The following AUTS2 variants were observed in gnomAD, a reference collection of about 807,000 sequenced individuals.
The protein encoded by AUTS2 is activator of transcription and developmental regulator AUTS2, also known as autism susceptibility gene 2 protein.
A neutral mutation model predicts 112.4 loss-of-function variants in AUTS2; 17 were observed. The observed-to-expected ratio is 0.15, with a 90% CI of 0.10 to 0.23. The LOEUF (loss-of-function observed/expected upper bound fraction) is 0.23. Ranked by LOEUF, AUTS2 falls within the 10% of genes least tolerant of loss-of-function variation. The pLI is 1.00. For synonymous variants in AUTS2, 751 were observed against 702.7 expected (o/e 1.07, Z -1.09); for missense variants, 1,510 against 1,701.6 (o/e 0.89, Z 1.98).
chr7:69,922,088 AT>A (rs1329138524), intron 2 of AUTS2, among the ~76,000 whole-genome samples: 1 of 152,206 alleles, frequency 6.6e-6, no homozygotes, highest in East Asian at 1.9e-4. Flanking sequence ...AGAAAAAAAA[AT>A]TAGTAAATGT....
chr7:69,779,154 G>A (rs1022036959), intron 1 of AUTS2, among the ~76,000 whole-genome samples: 1 of 151,088 alleles, frequency 6.6e-6, no homozygotes, highest in Non-Finnish European at 1.5e-5. Context: ...CTCCCAAAGT[G>A]CTGGGATTAC....
chr7:70,197,247 C>G (rs1032282169), intron 4 of AUTS2, among the ~76,000 whole-genome samples: 31 of 148,626 alleles, frequency 2.1e-4, no homozygotes, highest in African/African-American at 7.5e-4. Context: ...TAAATAGTTG[C>G]CAAAATTCTT....
intron 5 of AUTS2, among the ~76,000 whole-genome samples, chr7:70,501,401 G>A (rs1032456504): frequency 6.6e-6 from 1 of 152,146 alleles, no homozygotes; most frequent in Non-Finnish European, 1.5e-5. Flanking sequence ...GAGATAGCCT[G>A]TTAGCTTCCC....
chr7:70,117,507 G>GA (rs908722059), intron 2 of AUTS2, among the ~76,000 whole-genome samples: 144 of 151,636 alleles, frequency 9.5e-4, no homozygotes, highest in African/African-American at 3.3e-3. Flanking sequence ...TTTCATTATT[G>GA]AAAAAAAATT....
chr7:70,670,770 C>T (rs1239361899), intron 5 of AUTS2, among the ~76,000 whole-genome samples: 1 of 152,178 alleles, frequency 6.6e-6, no homozygotes, highest in Non-Finnish European at 1.5e-5. Context: ...AACTTCTGCC[C>T]CTCTTTACCC....
Position 70,309,221 on chromosome 7 carries a change from A to G in AUTS2, c.661-126531A>G, listed in dbSNP as rs1042839762. Among the ~76,000 whole-genome samples, 5 of 152,228 alleles carry G rather than the reference A, an allele frequency of 3.3e-5. No individual in the cohort carries two copies. The East Asian group carries it at 7.7e-4, about 23-fold the overall frequency. On this transcript the variant is annotated intron_variant, in intron 4 of 18. Transcript: ENST00000342771. Reference sequence around the variant, plus strand: ...ATTTATTGTCTTATAACATTATACTATATTAATTTACACATAGCCTTGGAA... The same window carrying G: ...ATTTATTGTCTTATAACATTATACTGTATTAATTTACACATAGCCTTGGAA...
intron 1 of AUTS2, among the ~76,000 whole-genome samples, chr7:69,791,710 C>A (rs1456442902): frequency 6.6e-6 from 1 of 152,222 alleles, no homozygotes; most frequent in Non-Finnish European, 1.5e-5. Flanking sequence ...CAGATACTTA[C>A]ACATGACTAT....
In AUTS2 at chr7:70,118,148, A is replaced by G; in HGVS notation, c.539A>G (p.Asn180Ser). 1.2e-6 allele frequency: 2 copies of G among 1,609,640 alleles called. No homozygotes were observed. The highest frequency in any genetic ancestry group is 1.7e-6 in the Non-Finnish European group (2 of 1,178,668). The change falls in exon 3 of 19, where the codon AAC becomes AGC. Residue 180 changes from asparagine to serine, a missense_variant. Around this residue, in one of 3 missense-constraint regions of AUTS2, gnomAD observed 535 missense variants for 594.3 expected, o/e 0.90. Transcript: ENST00000342771. ...KALRQLKPGQ[N>S]SCRDSDSESA... ...TGCCTTTAGCTCAAGCCAGGACAGA[A>G]CAGCTGCAGGGACAGTGACAGTGAA...
At chr7:70,438,546 G>A (rs1795990035) in intron 5 of AUTS2, among the ~76,000 whole-genome samples, 1 of 152,150 alleles carries the variant, frequency 6.6e-6, no homozygotes, top group African/African-American at 2.4e-5. Context: ...GAGCCATTGA[G>A]ACTCTAATTG....
At chr7:70,039,150 A>T (rs979239025) in intron 2 of AUTS2, among the ~76,000 whole-genome samples, 5 of 152,172 alleles carry the variant, frequency 3.3e-5, no homozygotes, top group Non-Finnish European at 7.3e-5. Context: ...AGTCCCCAGC[A>T]CAGTGACTCC....
intron 4 of AUTS2, among the ~76,000 whole-genome samples, chr7:70,369,468 G>A (rs1288483987): frequency 1.3e-5 from 2 of 152,170 alleles, no homozygotes; most frequent in Non-Finnish European, 2.9e-5. Context: ...CCGAGGCCTT[G>A]AAGAATAGAT....
chr7:70,544,844 A>T (rs912450219), intron 5 of AUTS2, among the ~76,000 whole-genome samples: 1 of 152,038 alleles, frequency 6.6e-6, no homozygotes, highest in Non-Finnish European at 1.5e-5. Context: ...TCTCCTTCCC[A>T]TGAAGACGGC....
intron 1 of AUTS2, among the ~76,000 whole-genome samples, chr7:69,794,216 A>G (rs1451051081): frequency 3.9e-5 from 6 of 152,192 alleles, no homozygotes; most frequent in Non-Finnish European, 7.3e-5. Context: ...GCTCTTTGCC[A>G]TAGACCTGCT....
At chr7:70,544,426 T>C (rs906651936) in intron 5 of AUTS2, among the ~76,000 whole-genome samples, 5 of 152,064 alleles carry the variant, frequency 3.3e-5, no homozygotes, top group Non-Finnish European at 7.4e-5. Flanking sequence ...GTTTATTCAT[T>C]CCAACTAGTT....
At chr7:69,824,584 T>G (rs148331638) in intron 1 of AUTS2, 173 of 152,158 alleles carry the variant, frequency 1.1e-3, no homozygotes, top group African/African-American at 3.9e-3. Context: ...ATCATTTTCA[T>G]CAGCTTCACA....
intron 2 of AUTS2, among the ~76,000 whole-genome samples, chr7:70,051,477 G>A (rs985730391): frequency 1.3e-5 from 2 of 152,158 alleles, no homozygotes; most frequent in Non-Finnish European, 2.9e-5. Context: ...TGCAGTTTGG[G>A]AGGCCGAGGC....
chr7:69,862,880 A>G (rs1237235682), intron 1 of AUTS2, among the ~76,000 whole-genome samples: 1 of 152,158 alleles, frequency 6.6e-6, no homozygotes, highest in Admixed American at 6.5e-5. Context: ...CTGATATTAA[A>G]TGGATAGTCC....
intron 2 of AUTS2, among the ~76,000 whole-genome samples, chr7:69,952,554 T>C (rs1040262632): frequency 5.9e-5 from 9 of 152,186 alleles, no homozygotes; most frequent in Non-Finnish European, 8.8e-5. Context: ...ATCTAAGTTG[T>C]GTGACTTTGG....
Position 70,004,809 on chromosome 7 carries a change from C to CTTTATTTA in AUTS2, c.522+105336_522+105343dup, listed in dbSNP as rs35522970. On this transcript the variant is annotated intron_variant, in intron 2 of 18. Transcript: ENST00000342771. Reference sequence around the variant, plus strand: ...GTGGAGTCTACACATGAATTAATGACTTTATTTATTTATTTATTTATTTAT... The same window carrying CTTTATTTA: ...GTGGAGTCTACACATGAATTAATGACTTTATTTATTTATTTATTTATTTATTTATTTAT... Among the ~76,000 whole-genome samples, 1,200 of 149,436 alleles carry CTTTATTTA rather than the reference C, an allele frequency of 8.0e-3. 16 individuals carry two copies. Among genetic ancestry groups the CTTTATTTA allele is most frequent in the African/African-American group, 0.023 (905 of 40,140 alleles).
Sources: gnomAD v4.1 joint callset for allele counts (sites outside exome capture counted in the v4.1 genomes callset) on GRCh38, gnomAD v4.1.1 for gene constraint, gnomAD v4.1.1 regional missense constraint, MANE v1.5 for transcripts, NCBI Gene and HGNC (gene_info 2026-07-23, HGNC 2026-07-21) for gene names.